The following D2HGDH variants were observed in gnomAD, a reference collection of about 807,000 sequenced individuals.
D2HGDH encodes the protein D-2-hydroxyglutarate dehydrogenase, mitochondrial.
A neutral mutation model predicts 46.9 loss-of-function variants in D2HGDH; 31 were observed. The observed-to-expected ratio is 0.66, with a 90% CI of 0.50 to 0.89. D2HGDH has a LOEUF of 0.89. D2HGDH is among the 40% of genes least tolerant of loss of function. D2HGDH has a pLI of 0.00. For synonymous variants in D2HGDH, 364 were observed against 332.6 expected, an observed-to-expected ratio of 1.09 and a Z score of -1.03; for missense variants, 698 against 720.8, an observed-to-expected ratio of 0.97 and a Z score of 0.36.
At chr2:241,760,439 T>C (rs1423934337) in intron 9 of D2HGDH, among the ~76,000 whole-genome samples, 1 of 131,766 alleles carries the variant, frequency 7.6e-6, no homozygotes, top group Non-Finnish European at 1.6e-5. Flanking sequence ...ACAGCGTGGG[T>C]GGGCCTTACG....
chr2:241,739,651 C>T (rs1356717734), intron 2 of D2HGDH, among the ~76,000 whole-genome samples: 1 of 152,240 alleles, frequency 6.6e-6, no homozygotes, highest in African/African-American at 2.4e-5. Flanking sequence ...CGCCTGCTCA[C>T]TTGGGGCAGC....
Position 241,743,642 on chromosome 2 carries a change from G to T in D2HGDH, c.511G>T (p.Gly171Cys). The change falls in exon 5 of 10, where the codon GGC becomes TGC. Residue 171 changes from glycine to cysteine, a missense_variant. Physicochemically the swap from Gly to Cys is radical, Grantham distance 159. Coordinates refer to ENST00000321264, the MANE Select transcript of D2HGDH (RefSeq NM_152783.5). This position sits in a 1 kb window ranked among gnomAD's most constrained non-coding sequence, Gnocchi z 4.8. ...TGCAGGAATTCTGGTTTGCCAGGCG[G>T]GCTGCGTCCTGGAGGAGCTGAGCCG... The part of the protein sequence containing the change: ...SVSGILVCQA[G>C]CVLEELSRYV... 1.2e-6 allele frequency: 2 copies of T among 1,613,776 alleles called. No individual in the cohort carries two copies.
Position 241,767,997 on chromosome 2 carries a change from A to G in D2HGDH, c.*28A>G. 2.6e-6 allele frequency: 4 copies of G among 1,565,578 alleles called. No homozygotes were observed. The highest frequency in any genetic ancestry group is 3.4e-6 in the Non-Finnish European group (4 of 1,161,222). ...GCCACTCCTGCTGCTGCCAAGGCCC[A>G]CTGGGGGTCGGCGGGTGGCTCTCGG... On this transcript the variant is annotated 3_prime_UTR_variant, in exon 10 of 10. Transcript: ENST00000321264.
chr2:241,735,437 G>T lies in D2HGDH; in HGVS notation c.213G>T (p.Glu71Asp). 6.2e-7 allele frequency: 1 copy of T among 1,609,506 alleles called. No homozygotes were observed. ...TVSKQDLAAFERIVPGGVVTD... is the reference protein window; with the variant it reads ...TVSKQDLAAFDRIVPGGVVTD... ...CTAAGCAGGACCTGGCCGCCTTTGAGCGCATCGTGCCCGGCGGGGTCGTCA... is the reference window on the plus strand; with the variant it reads ...CTAAGCAGGACCTGGCCGCCTTTGATCGCATCGTGCCCGGCGGGGTCGTCA... Residue 71 changes from glutamate to aspartate, a missense_variant, in exon 2 of 10, where the codon GAG becomes GAT. Glu to Asp is a conservative substitution (Grantham distance 45). Coordinates refer to ENST00000321264, the MANE Select transcript of D2HGDH (RefSeq NM_152783.5).
At chr2:241,755,167 C>T in intron 8 of D2HGDH, 1 of 1,303,732 alleles carries the variant, frequency 7.7e-7, no homozygotes, top group Non-Finnish European at 1.0e-6. Flanking sequence ...TCCTCAGAAT[C>T]CTTCCTCCCC....
In D2HGDH at chr2:241,767,712, G is replaced by T; in HGVS notation, c.1309G>T (p.Asp437Tyr). 1 of 1,612,850 alleles carries T rather than the reference G, an allele frequency of 6.2e-7. No individual in the cohort carries two copies. The highest frequency in any genetic ancestry group is 1.1e-5 in the South Asian group (1 of 91,082). ...KHVVGYGHLG[D>Y]GNLHLNVTAE... ...CCCATGTGCCCTTGTCCCTCCAGGA[G>T]ATGGTAACCTGCACCTCAATGTGAC... The change falls in exon 10 of 10, where the codon GAT becomes TAT. Residue 437 changes from aspartate to tyrosine, a missense_variant and splice_region_variant. Transcript: ENST00000321264.
In D2HGDH at chr2:241,755,833, T is replaced by C; in HGVS notation, c.1141-16T>C. 6 of 1,611,144 alleles carry C rather than the reference T, an allele frequency of 3.7e-6. No individual in the cohort carries two copies. Among genetic ancestry groups the C allele is most frequent in the Non-Finnish European group, 4.2e-6 (5 of 1,178,142 alleles). On this transcript the variant is annotated splice_polypyrimidine_tract_variant and intron_variant, in intron 8 of 9. Coordinates refer to ENST00000321264, the MANE Select transcript of D2HGDH (RefSeq NM_152783.5). ...TCCCATAGCCAGCCCTTGTCTCATC[T>C]CGTCTCATCCTCTAGATGCTGTGGG...
rs149673938 is a variant in D2HGDH, at chr2:241,764,707, C to A, written c.1307-3003C>A. ...GCCTTTGTGGGAAAACAGCCCTCAC[C>A]CCAACATGGCACAGTTTGGGGTGGT... is the stretch of plus-strand genomic sequence containing the variant. On this transcript the variant is annotated intron_variant, in intron 9 of 9. Transcript: ENST00000321264. Among the ~76,000 whole-genome samples the A allele has an allele frequency of 6.1e-3, 923 of 152,328 alleles. 5 individuals carry two copies. The highest frequency in any genetic ancestry group is 0.01 in the Middle Eastern group (3 of 294).
At chr2:241,745,314 T>A (rs932640027) in intron 6 of D2HGDH, among the ~76,000 whole-genome samples, 6 of 152,222 alleles carry the variant, frequency 3.9e-5, no homozygotes, top group African/African-American at 1.4e-4. Context: ...TCAGCAGACC[T>A]GCCTGCTGCT....
intron 6 of D2HGDH, among the ~76,000 whole-genome samples, chr2:241,745,686 C>T (rs1056988600): frequency 3.3e-5 from 5 of 152,166 alleles, no homozygotes; most frequent in East Asian, 1.9e-4. Context: ...CTCTTGTGTC[C>T]GATCTTCTGT....
intron 2 of D2HGDH, 88 bp downstream of exon 2, chr2:241,735,604 C>T: frequency 1.9e-6 from 3 of 1,553,116 alleles, no homozygotes; most frequent in South Asian, 1.2e-5. Flanking sequence ...CTGAGAACAA[C>T]CTGGATGGGG....
rs149753911 is a variant in D2HGDH at position 241,749,417 on chromosome 2, C to T, written c.854-734C>T. Reference sequence around the variant, plus strand: ...CCTGAAAGGTGGGCACGGGCCCCCTCCTGCTGCAGCGTCTCTGGGGCTGCC... The same window carrying T: ...CCTGAAAGGTGGGCACGGGCCCCCTTCTGCTGCAGCGTCTCTGGGGCTGCC... On this transcript the variant is annotated intron_variant, in intron 6 of 9. Transcript: ENST00000321264. The T allele has an allele frequency of 3.7e-5, 45 of 1,230,526 alleles. No homozygotes were observed. In the African/African-American group the frequency reaches 6.7e-4, roughly 18 times the overall value. The allele number at this position is 1,230,526 out of a possible 1,614,324, so 76.2% of individuals were successfully genotyped here.
intron 6 of D2HGDH, among the ~76,000 whole-genome samples, chr2:241,747,794 C>T (rs566031933): frequency 6.6e-6 from 1 of 152,266 alleles, no homozygotes; most frequent in Admixed American, 6.5e-5. Context: ...AACTCCTGAG[C>T]TCAAACAATT....
rs971405336 is a variant in D2HGDH, at chr2:241,749,375, T to C, written c.854-776T>C. ...TCTCTGATATCCACATGCCTTTGCA[T>C]TGCCTCCCTGTCTCGCCCTGAAAGG... is the stretch of plus-strand genomic sequence containing the variant. On this transcript the variant is annotated intron_variant, in intron 6 of 9. Transcript: ENST00000321264. 4.7e-6 allele frequency: 6 copies of C among 1,280,798 alleles called. No homozygotes were observed. In the African/African-American group the frequency reaches 6.1e-5, roughly 13 times the overall value. The allele number at this position is 1,280,798 out of a possible 1,614,324, so 79.3% of individuals were successfully genotyped here. A position where few individuals can be genotyped will look rare whatever the true frequency, so the allele number is the denominator to read the frequency against.
At chr2:241,741,930 G>A (rs1694576128) in intron 3 of D2HGDH, among the ~76,000 whole-genome samples, 1 of 152,170 alleles carries the variant, frequency 6.6e-6, no homozygotes, top group Non-Finnish European at 1.5e-5. Flanking sequence ...CCCAGAGCAC[G>A]GAACTTTGGT....
chr2:241,767,570 G>T, intron 9 of D2HGDH, 140 bp from the exon 10 acceptor site: 1 of 1,239,786 alleles, frequency 8.1e-7, no homozygotes, highest in South Asian at 1.4e-5. Flanking sequence ...GGCACGTCCA[G>T]GGCGAGTGGC....
At chr2:241,749,937 C>T (rs573983568) in intron 6 of D2HGDH, 9 of 655,788 alleles carry the variant, frequency 1.4e-5, no homozygotes, top group Admixed American at 1.1e-4. Flanking sequence ...TAGGTGTGCA[C>T]CTACCCCTCC....
chr2:241,755,230 TC>T (rs1697972668), intron 8 of D2HGDH: 2 of 1,138,888 alleles, frequency 1.8e-6, no homozygotes, highest in African/African-American at 3.2e-5. Flanking sequence ...ACCGTGTCCT[TC>T]CCTCCCCCGT....
At chr2:241,760,205 A>C (rs76370565) in intron 9 of D2HGDH, among the ~76,000 whole-genome samples, 23 of 23,584 alleles carry the variant, frequency 9.8e-4, no homozygotes, top group East Asian at 2.8e-3. Context: ...CAGTCGAAGG[A>C]CTTCGCCACA....
Sources: gnomAD v4.1 joint callset for allele counts (sites outside exome capture counted in the v4.1 genomes callset) on GRCh38, gnomAD v4.1.1 for gene constraint, Gnocchi (gnomAD v3.1) non-coding constraint, MANE v1.5 for transcripts, NCBI Gene and HGNC (gene_info 2026-07-23, HGNC 2026-07-21) for gene names.